Variants in FSTL4 observed in about 807,000 individuals in gnomAD.
FSTL4 encodes follistatin-related protein 4.
A neutral mutation model predicts 78.2 loss-of-function variants in FSTL4; 28 were observed. That is an observed-to-expected ratio of 0.36 (90% CI 0.27 to 0.49). The LOEUF is 0.49. Among genes scored for constraint, FSTL4 ranks in the 20% least tolerant of loss-of-function variants. FSTL4 has a pLI of 0.98. For missense variants in FSTL4, 922 were observed against 1,084.9 expected, an observed-to-expected ratio of 0.85 and a Z score of 2.11; for synonymous variants, 422 against 440.5, an observed-to-expected ratio of 0.96 and a Z score of 0.53.
At chr5:133,497,215 G>A (rs1313315738) in intron 3 of FSTL4, among the ~76,000 whole-genome samples, 1 of 152,246 alleles carries the variant, frequency 6.6e-6, no homozygotes, top group Non-Finnish European at 1.5e-5. Context: ...TTCCCTGGAG[G>A]GAGCAGGTCA....
chr5:133,281,130 T>C (rs1366785051), intron 6 of FSTL4, among the ~76,000 whole-genome samples: 4 of 151,836 alleles, frequency 2.6e-5, no homozygotes, highest in Non-Finnish European at 4.4e-5. Flanking sequence ...CCCCCTGGAG[T>C]TGCTTTTGTC....
chr5:133,694,935 C>T, the FSTL4 span, among the ~76,000 whole-genome samples: 1 of 152,154 alleles, frequency 6.6e-6, no homozygotes, highest in South Asian at 2.1e-4. Flanking sequence ...TCCCCACTTC[C>T]TAATACCATC....
intron 4 of FSTL4, among the ~76,000 whole-genome samples, chr5:133,337,517 C>T (rs1421872950): frequency 6.6e-6 from 1 of 152,016 alleles, no homozygotes; most frequent in Non-Finnish European, 1.5e-5. Flanking sequence ...AGCAAAGCGC[C>T]GTGATTATAG....
the FSTL4 span, among the ~76,000 whole-genome samples, chr5:133,759,132 A>G: frequency 6.6e-6 from 1 of 152,240 alleles, no homozygotes; most frequent in Non-Finnish European, 1.5e-5. Context: ...AGGGTATTTT[A>G]AAACCATCAC....
chr5:133,368,349 G>A (rs1755221098), intron 4 of FSTL4, among the ~76,000 whole-genome samples: 1 of 152,204 alleles, frequency 6.6e-6, no homozygotes, highest in Non-Finnish European at 1.5e-5. Flanking sequence ...TGAGTGTATT[G>A]TCACACACCA....
At chr5:133,243,849 C>T (rs1243793573) in intron 7 of FSTL4, 1 of 152,330 alleles carries the variant, frequency 6.6e-6, no homozygotes, top group Non-Finnish European at 1.5e-5. Flanking sequence ...TTCCTGTCTC[C>T]TGGCCCTCAG....
At chr5:133,582,272 G>A (rs1760430825) in intron 2 of FSTL4, among the ~76,000 whole-genome samples, 1 of 152,134 alleles carries the variant, frequency 6.6e-6, no homozygotes, top group South Asian at 2.1e-4. Flanking sequence ...ACACAAAGGG[G>A]CTCACCTGCA....
chr5:133,406,193 G>A (rs1258026639), intron 3 of FSTL4, among the ~76,000 whole-genome samples: 2 of 152,252 alleles, frequency 1.3e-5, no homozygotes, highest in African/African-American at 4.8e-5. Context: ...GAAGATGGCA[G>A]AGACCTGGGG....
intron 3 of FSTL4, among the ~76,000 whole-genome samples, chr5:133,462,795 G>A (rs952880287): frequency 1.3e-5 from 2 of 152,156 alleles, no homozygotes; most frequent in South Asian, 2.1e-4. Context: ...TCTGAGCCTG[G>A]GGCCTGCCCT....
chr5:133,604,536 C>T (rs1245795123), intron 1 of FSTL4, among the ~76,000 whole-genome samples: 6 of 152,076 alleles, frequency 3.9e-5, no homozygotes, highest in African/African-American at 7.2e-5. Flanking sequence ...TGGTGAAACC[C>T]GGTCTCTACT....
the FSTL4 span, among the ~76,000 whole-genome samples, chr5:133,666,311 A>C: frequency 6.6e-6 from 1 of 152,164 alleles, no homozygotes; most frequent in Non-Finnish European, 1.5e-5. Flanking sequence ...CTACCACCCC[A>C]TAGTTACTTT....
the FSTL4 span, among the ~76,000 whole-genome samples, chr5:133,808,768 C>T: frequency 6.6e-6 from 1 of 152,044 alleles, no homozygotes; most frequent in Non-Finnish European, 1.5e-5. Context: ...TGCTTCTGTG[C>T]TGGAGGAGAA....
rs1242099280 is a variant in FSTL4, at chr5:133,345,673, C to T, written c.410-29021G>A. ...ATCATCACTGGCCATCACAGAAATG[C>T]AAATCAAAACCACAATGAGATACCA... On this transcript the variant is annotated intron_variant, in intron 4 of 15. Transcript: ENST00000265342. 4.6e-5 allele frequency among the ~76,000 whole-genome samples: 7 copies of T among 152,216 alleles called. No individual in the cohort carries two copies. In the East Asian group the frequency reaches 1.4e-3, roughly 29 times the overall value.
intron 3 of FSTL4, 46 bp from the exon 4 acceptor site, chr5:133,401,032 G>A (rs1756213058): frequency 6.2e-7 from 1 of 1,601,578 alleles, no homozygotes; most frequent in African/African-American, 1.3e-5. Context: ...ACACTCAGAG[G>A]GTCTGGGGTC....
chr5:133,322,243 C>A (rs1356103832), intron 4 of FSTL4, among the ~76,000 whole-genome samples: 1 of 112,696 alleles, frequency 8.9e-6, no homozygotes, highest in Non-Finnish European at 1.7e-5. Flanking sequence ...ACACACACCC[C>A]CACACCCACC....
intron 14 of FSTL4, among the ~76,000 whole-genome samples, chr5:133,203,053 C>T (rs572462222): frequency 1.3e-5 from 2 of 152,338 alleles, no homozygotes; most frequent in African/African-American, 4.8e-5. Flanking sequence ...CAGACTGTGT[C>T]CTCCTGCCTT....
chr5:133,778,976 C>A, the FSTL4 span, among the ~76,000 whole-genome samples: 1 of 152,202 alleles, frequency 6.6e-6, no homozygotes, highest in Non-Finnish European at 1.5e-5. Context: ...TTCCTGGGTT[C>A]AGAGGAAGGT....
chr5:133,793,366 G>A, the FSTL4 span, among the ~76,000 whole-genome samples: 6 of 152,280 alleles, frequency 3.9e-5, no homozygotes, highest in Non-Finnish European at 7.3e-5. Context: ...CTGGTGCAAA[G>A]CACCATGTGA....
the FSTL4 span, among the ~76,000 whole-genome samples, chr5:133,640,977 A>G: frequency 5.9e-5 from 9 of 152,342 alleles, no homozygotes; most frequent in African/African-American, 2.2e-4. Flanking sequence ...TTTCCATGTG[A>G]CTGCTCTTGC....
Sources: gnomAD v4.1 joint callset for allele counts (sites outside exome capture counted in the v4.1 genomes callset) on GRCh38, gnomAD v4.1.1 for gene constraint, MANE v1.5 for transcripts, NCBI Gene and HGNC (gene_info 2026-07-23, HGNC 2026-07-21) for gene names.